Variants in NBPF26 observed in about 807,000 individuals in gnomAD.
NBPF26 encodes NBPF member 26.
NBPF26 carries 79 observed loss-of-function variants against 119.6 expected under a neutral mutation model. The ratio of observed to expected loss-of-function variants is 0.66; its 90% CI spans 0.55 to 0.80. The LOEUF is 0.80. NBPF26 is among the 30% of genes least tolerant of loss of function. NBPF26 has a pLI of 0.00. For synonymous variants in NBPF26, 299 were observed against 457.7 expected, an observed-to-expected ratio of 0.65 and a Z score of 4.43; for missense variants, 800 against 1,198.2, an observed-to-expected ratio of 0.67 and a Z score of 4.91.
intron 6 of NBPF26, 112 bp downstream of exon 6, chr1:120,807,821 T>G: frequency 1.9e-6 from 1 of 538,760 alleles, no homozygotes; most frequent in South Asian, 2.0e-5. Context: ...GGGCAGGAAT[T>G]GCCATGGCAG....
chr1:120,790,010 C>CTTTTTTT (rs1174501165), intron 3 of NBPF26, among the ~76,000 whole-genome samples: 2 of 34,962 alleles, frequency 5.7e-5, no homozygotes, highest in Non-Finnish European at 1.0e-4. Flanking sequence ...TTCTGATCAC[C>CTTTTTTT]TTTTTTTTTT....
At position 120,811,450 on chromosome 1, in the gene NBPF26, G is replaced by T. The variant is rs1298074825; in HGVS notation, c.1565-436G>T. Among the ~76,000 whole-genome samples the T allele has an allele frequency of 6.3e-5, 7 of 111,828 alleles. 2 individuals carry two copies. Among genetic ancestry groups the T allele is most frequent in the Non-Finnish European group, 1.0e-4 (6 of 57,566 alleles). 73.4% of individuals were successfully genotyped at this position (111,828 alleles called of 152,430 possible). Reference sequence around the variant, plus strand: ...ATCCCAGATGCTTGGCAGGCTGAGGGATGAGAATCACTTGAACCCGGGCGG... The same window carrying T: ...ATCCCAGATGCTTGGCAGGCTGAGGTATGAGAATCACTTGAACCCGGGCGG... On this transcript the variant is annotated intron_variant, in intron 9 of 29. Transcript: ENST00000620612.
intron 2 of NBPF26, among the ~76,000 whole-genome samples, chr1:120,764,139 C>G (rs1325612587): frequency 9.0e-6 from 1 of 111,280 alleles, no homozygotes; most frequent in East Asian, 2.1e-4. Flanking sequence ...CCCAGCTACT[C>G]GGGAGGCTGA....
rs1484850064 is a variant in NBPF26 at position 120,823,047 on chromosome 1, T to A, written c.2588-262T>A. 1.6e-5 allele frequency among the ~76,000 whole-genome samples: 2 copies of A among 122,284 alleles called. 1 individual carries two copies. The highest frequency in any genetic ancestry group is 8.0e-5 in the African/African-American group (2 of 24,980). 80.2% of individuals were successfully genotyped at this position (122,284 alleles called of 152,430 possible). Reference sequence around the variant, plus strand: ...TACAATTTATTGGGGAAAAAATTGCTCATTTGTGTACATAAACCTAGGACA... The same window carrying A: ...TACAATTTATTGGGGAAAAAATTGCACATTTGTGTACATAAACCTAGGACA... On this transcript the variant is annotated intron_variant, in intron 16 of 29. Transcript: ENST00000620612.
chr1:120,823,616 T>A (rs1231137370), intron 17 of NBPF26, among the ~76,000 whole-genome samples: 4 of 124,512 alleles, frequency 3.2e-5, no homozygotes, highest in Non-Finnish European at 6.5e-5. Context: ...CAGGGAAACT[T>A]GACCACATTT....
chr1:120,770,028 A>G lies in NBPF26; in HGVS notation c.155+6319A>G, dbSNP rs1292813518. Among the ~76,000 whole-genome samples the G allele has an allele frequency of 6.9e-3, 779 of 113,692 alleles. 3 individuals are homozygous for G. The highest frequency in any genetic ancestry group is 0.027 in the African/African-American group (742 of 27,048). 74.6% of individuals were successfully genotyped at this position (113,692 alleles called of 152,430 possible). A position where few individuals can be genotyped will look rare whatever the true frequency, so the allele number is the denominator to read the frequency against. ...AAAATTAATGCAAAATAAGTTGAAAATTATCAAAATTTTAAATAAGGAGAT... is the reference window on the plus strand; with the variant it reads ...AAAATTAATGCAAAATAAGTTGAAAGTTATCAAAATTTTAAATAAGGAGAT... On this transcript the variant is annotated intron_variant, in intron 2 of 29. Transcript: ENST00000620612.
intron 1 of NBPF26, among the ~76,000 whole-genome samples, chr1:120,727,776 C>G (rs1230893424): frequency 8.5e-6 from 1 of 117,246 alleles, no homozygotes; most frequent in Non-Finnish European, 1.6e-5. Context: ...AATTTTCCTT[C>G]CACGCTTTCC....
intron 3 of NBPF26, 96 bp downstream of exon 3, chr1:120,785,329 C>T: frequency 1.2e-6 from 1 of 822,392 alleles, no homozygotes; most frequent in Non-Finnish European, 1.9e-6. Flanking sequence ...TAAATGTCCC[C>T]CAGCTCTGGT....
Position 120,763,562 on chromosome 1 carries a change from C to A in NBPF26, c.74-66C>A. 7.2e-6 allele frequency: 5 copies of A among 694,756 alleles called. 1 individual carries two copies. Among genetic ancestry groups the A allele is most frequent in the Non-Finnish European group, 1.2e-5 (5 of 428,958 alleles). The allele number at this position is 694,756 out of a possible 1,614,324, so 43.0% of individuals were successfully genotyped here. A position where few individuals can be genotyped will look rare whatever the true frequency, so the allele number is the denominator to read the frequency against. On this transcript the variant is annotated intron_variant, in intron 1 of 29. Coordinates refer to ENST00000620612, the Ensembl canonical transcript of NBPF26. ...GAATGCTGATCTGGATTGGATTACA[C>A]TTCTTTGGTGTCTGAGGGTTATGAT...
At chr1:120,832,717 A>G (rs1258289585) in intron 22 of NBPF26, among the ~76,000 whole-genome samples, 158 bp from the exon 27 acceptor site, 63 of 119,706 alleles carry the variant, frequency 5.3e-4, no homozygotes, top group African/African-American at 2.1e-3. Context: ...AGGAATTTCT[A>G]TCATGACCAG....
intron 2 of NBPF26, among the ~76,000 whole-genome samples, chr1:120,765,808 G>C (rs1461076180): frequency 7.8e-6 from 1 of 128,102 alleles, no homozygotes; most frequent in East Asian, 2.0e-4. Flanking sequence ...CCATAAAAAA[G>C]AATGAGTTCA....
chr1:120,724,160 G>A (rs1650787161), exon 1 of NBPF26: 2 of 1,381,712 alleles, frequency 1.4e-6, no homozygotes, highest in East Asian at 2.5e-5. Context: ...GGAGGAGGAG[G>A]AGGAGGCGAC....
In NBPF26 at chr1:120,823,315, G is replaced by C. The variant is rs1553272241; in HGVS notation, c.2594G>C (p.Arg865Pro). Residue 865 changes from arginine (R) to proline (P), a missense_variant, in exon 17 of 30, where the codon CGG becomes CCG. This residue lies in a region of NBPF26 where 73 missense variants were observed against 50.7 expected (regional missense o/e 1.44). Transcript: ENST00000620612. ...CATCTGAATTTATTTGCAGGACATCGGTGGGATCAAGTGAAAAAGGAGGAC... is the reference window on the plus strand; with the variant it reads ...CATCTGAATTTATTTGCAGGACATCCGTGGGATCAAGTGAAAAAGGAGGAC... 5 of 1,400,390 alleles carry C rather than the reference G, an allele frequency of 3.6e-6. 1 individual carries two copies. The highest frequency in any genetic ancestry group is 4.8e-6 in the Non-Finnish European group (5 of 1,049,884). 86.7% of individuals were successfully genotyped at this position (1,400,390 alleles called of 1,614,324 possible). A position where few individuals can be genotyped will look rare whatever the true frequency, so the allele number is the denominator to read the frequency against.
exon 11 of NBPF26, chr1:120,813,985 G>A: frequency 6.7e-7 from 1 of 1,503,338 alleles, no homozygotes; most frequent in Non-Finnish European, 9.1e-7. Context: ...AGCAAGCTGA[G>A]GAGCTCAGGT....
At chr1:120,818,587 T>G (rs1652062001) in intron 15 of NBPF26, among the ~76,000 whole-genome samples, 1 of 126,828 alleles carries the variant, frequency 7.9e-6, no homozygotes. Flanking sequence ...GGTGTCAATT[T>G]TAGGTCTTTT....
chr1:120,805,778 G>C lies in NBPF26; in HGVS notation c.961+13G>C, dbSNP rs1553269814. On this transcript the variant is annotated intron_variant, in intron 5 of 29. Transcript: ENST00000620612. ...CAGAAGAAATACAGTAAGATCTATA[G>C]GCTCACCATCATGAAAGTGATGAAT... 2,327 of 1,357,916 alleles carry C rather than the reference G, an allele frequency of 1.7e-3. 734 individuals are homozygous for C. The African/African-American group carries it at 0.047, about 27-fold the overall frequency. The allele number at this position is 1,357,916 out of a possible 1,614,324, so 84.1% of individuals were successfully genotyped here.
chr1:120,752,529 TATATATATATATATATATATA>T, intron 1 of NBPF26, among the ~76,000 whole-genome samples: 1 of 13,542 alleles, frequency 7.4e-5, no homozygotes, highest in African/African-American at 4.1e-4. Flanking sequence ...AATATATATA[TATATATATATATATATATATA>T]TATATTTTTT....
intron 3 of NBPF26, among the ~76,000 whole-genome samples, chr1:120,791,737 A>G (rs1651495927): frequency 1.5e-5 from 1 of 65,070 alleles, no homozygotes; most frequent in Non-Finnish European, 2.6e-5. Flanking sequence ...CATGGCACAT[A>G]TATACATATG....
intron 6 of NBPF26, among the ~76,000 whole-genome samples, chr1:120,808,016 G>A (rs1651745814): frequency 8.2e-6 from 1 of 121,740 alleles, no homozygotes; most frequent in Admixed American, 8.0e-5. Flanking sequence ...AATCAAAATG[G>A]TGTGCCATCA....
Sources: allele counts gnomAD v4.1 joint callset (sites outside exome capture counted in the v4.1 genomes callset), GRCh38; gene constraint gnomAD v4.1.1; regional missense constraint gnomAD v4.1.1; transcripts MANE v1.5; gene names NCBI Gene and HGNC (gene_info 2026-07-23, HGNC 2026-07-21).